Variants in DAB1 observed in about 807,000 individuals in gnomAD.
The protein encoded by DAB1 is DAB adaptor protein 1, also known as disabled homolog 1.
In DAB1, 15 loss-of-function variants were observed where a neutral mutation model predicts 64.6. The observed-to-expected ratio is 0.23, with a 90% CI of 0.16 to 0.36. The LOEUF (loss-of-function observed/expected upper bound fraction) is 0.36. Among genes scored for constraint, DAB1 ranks in the 10% least tolerant of loss-of-function variants. DAB1 has a pLI of 1.00. For synonymous variants in DAB1, 235 were observed against 251.9 expected, an observed-to-expected ratio of 0.93 and a Z score of 0.64; for missense variants, 596 against 706.7, an observed-to-expected ratio of 0.84 and a Z score of 1.78.
chr1:57,077,564 T>C (rs1652103771), intron 4 of DAB1, among the ~76,000 whole-genome samples: 1 of 152,232 alleles, frequency 6.6e-6, no homozygotes, highest in African/African-American at 2.4e-5. Flanking sequence ...GGATTCATTC[T>C]GTGAACAGAG....
intron 2 of DAB1, among the ~76,000 whole-genome samples, chr1:57,177,086 C>T (rs1360889398): frequency 6.6e-6 from 1 of 151,660 alleles, no homozygotes; most frequent in Non-Finnish European, 1.5e-5. Context: ...AGTCCATCAC[C>T]AAGACAACTT....
chr1:58,436,461 T>C (rs1644945492), intron 3 of DAB1, among the ~76,000 whole-genome samples: 1 of 152,190 alleles, frequency 6.6e-6, no homozygotes, highest in African/African-American at 2.4e-5. Context: ...CCAGAAGTTC[T>C]GGTCACCATA....
At position 58,506,168 on chromosome 1, in the gene DAB1, T is replaced by A. The variant is rs762447690; in HGVS notation, n.149A>T. On this transcript the variant is annotated non_coding_transcript_exon_variant, in exon 3 of 21. Transcript: ENST00000485760. The stretch of plus-strand genomic sequence containing the variant: ...CATGCAGGCTATCAACGAACTCCAT[T>A]TGCTGCCAAAACACTGAACTGGCTC... 3.2e-5 allele frequency: 28 copies of A among 872,014 alleles called. No homozygotes were observed. In the South Asian group the frequency reaches 3.7e-4, roughly 11 times the overall value. 54.0% of individuals were successfully genotyped at this position (872,014 alleles called of 1,614,324 possible). A position where few individuals can be genotyped will look rare whatever the true frequency, so the allele number is the denominator to read the frequency against.
chr1:58,227,555 G>C (rs1047908711), intron 4 of DAB1, among the ~76,000 whole-genome samples: 12 of 152,294 alleles, frequency 7.9e-5, no homozygotes, highest in African/African-American at 2.9e-4. Flanking sequence ...ACAGCACTCT[G>C]AGGTTTCTTT....
chr1:58,149,660 T>C (rs907621115), intron 5 of DAB1, among the ~76,000 whole-genome samples: 1 of 152,156 alleles, frequency 6.6e-6, no homozygotes, highest in African/African-American at 2.4e-5. Context: ...AACTGAGTGT[T>C]GAAACCAACA....
intron 4 of DAB1, among the ~76,000 whole-genome samples, chr1:58,329,760 A>C (rs939004995): frequency 6.6e-6 from 1 of 152,120 alleles, no homozygotes; most frequent in Non-Finnish European, 1.5e-5. Flanking sequence ...GTATCTTTTG[A>C]TGTTACTATT....
chr1:57,306,212 A>T (rs1674148639), intron 1 of DAB1, among the ~76,000 whole-genome samples: 3 of 152,134 alleles, frequency 2.0e-5, no homozygotes, highest in Admixed American at 2.0e-4. Context: ...AGTGTATCTG[A>T]TTCCAAATAT....
chr1:58,220,922 C>T (rs971774212), intron 4 of DAB1, among the ~76,000 whole-genome samples: 2 of 150,776 alleles, frequency 1.3e-5, no homozygotes, highest in African/African-American at 4.9e-5. Context: ...ATACATTTTG[C>T]AAACAGTGCA....
intron 3 of DAB1, among the ~76,000 whole-genome samples, chr1:58,383,767 T>C (rs1644410028): frequency 6.6e-6 from 1 of 152,202 alleles, no homozygotes; most frequent in Non-Finnish European, 1.5e-5. Flanking sequence ...AAAATTAATC[T>C]TCCCTTTCAT....
At chr1:57,695,373 A>AAAAGAAAG (rs1557427806) in intron 6 of DAB1, among the ~76,000 whole-genome samples, 82 of 53,628 alleles carry the variant, frequency 1.5e-3, no homozygotes, top group Admixed American at 3.0e-3. Context: ...AGAAAGAAAG[A>AAAAGAAAG]AAGAAAGAAA....
intron 6 of DAB1, among the ~76,000 whole-genome samples, chr1:57,743,152 G>A (rs1057281162): frequency 6.6e-6 from 1 of 152,132 alleles, no homozygotes; most frequent in Non-Finnish European, 1.5e-5. Flanking sequence ...CTGAGCCCAA[G>A]CCAAGCCATC....
intron 7 of DAB1, among the ~76,000 whole-genome samples, chr1:57,449,034 T>C (rs1686251473): frequency 6.6e-6 from 1 of 152,176 alleles, no homozygotes; most frequent in Admixed American, 6.5e-5. Flanking sequence ...CCATTTGTCT[T>C]GAGTAAACAC....
chr1:58,470,089 T>C (rs892876376), intron 3 of DAB1, among the ~76,000 whole-genome samples: 2 of 151,650 alleles, frequency 1.3e-5, no homozygotes, highest in African/African-American at 4.8e-5. Context: ...GGTTGGCAGC[T>C]ACAAAACAGC....
At chr1:57,672,000 T>A (rs74075813) in intron 6 of DAB1, among the ~76,000 whole-genome samples, 3,229 of 152,042 alleles carry the variant, frequency 0.021, 110 homozygotes, top group African/African-American at 0.074. Context: ...TTATTAAGAG[T>A]CTCTTGCATC....
At chr1:57,639,574 T>A (rs1646103163) in intron 7 of DAB1, among the ~76,000 whole-genome samples, 1 of 152,004 alleles carries the variant, frequency 6.6e-6, no homozygotes, top group African/African-American at 2.4e-5. Context: ...GAGACTAGAG[T>A]TGGAGCACTT....
intron 2 of DAB1, among the ~76,000 whole-genome samples, chr1:58,526,228 C>T (rs1304073822): frequency 3.3e-5 from 5 of 151,968 alleles, no homozygotes; most frequent in African/African-American, 1.2e-4. Flanking sequence ...TCTTAGTGCA[C>T]GCAGTCTGAT....
chr1:57,698,055 C>A (rs1646865344), intron 6 of DAB1, among the ~76,000 whole-genome samples: 1 of 151,510 alleles, frequency 6.6e-6, no homozygotes, highest in Admixed American at 6.6e-5. Flanking sequence ...TGCCTTACAT[C>A]TGTTACTCCT....
chr1:57,122,197 A>T (rs1033193909), intron 4 of DAB1, among the ~76,000 whole-genome samples: 3 of 152,200 alleles, frequency 2.0e-5, no homozygotes, highest in Non-Finnish European at 4.4e-5. Context: ...ACTGTTGTGT[A>T]ATTGGCTGTT....
intron 4 of DAB1, among the ~76,000 whole-genome samples, chr1:58,300,831 G>A (rs1022692018): frequency 6.6e-6 from 1 of 152,104 alleles, no homozygotes; most frequent in Non-Finnish European, 1.5e-5. Context: ...CTGAGTGGGG[G>A]CAGTGAAAGG....
Sources: gnomAD v4.1 joint callset for allele counts (sites outside exome capture counted in the v4.1 genomes callset) on GRCh38, gnomAD v4.1.1 for gene constraint, MANE v1.5 for transcripts, NCBI Gene and HGNC (gene_info 2026-07-23, HGNC 2026-07-21) for gene names.